The following SYT7 variants were observed in gnomAD, a reference collection of about 807,000 sequenced individuals.
The protein encoded by SYT7 is synaptotagmin-7.
Under a neutral mutation model 75.1 loss-of-function variants are expected in SYT7, and 29 were observed. That is an observed-to-expected ratio of 0.39 (90% CI 0.29 to 0.53). The LOEUF (loss-of-function observed/expected upper bound fraction) is 0.53. Among genes scored for constraint, SYT7 ranks in the 20% least tolerant of loss-of-function variants. The pLI, the probability that SYT7 is intolerant of heterozygous loss-of-function variation, is 0.77. For synonymous variants in SYT7, 376 were observed against 401.7 expected, an observed-to-expected ratio of 0.94 and a Z score of 0.76; for missense variants, 693 against 953.2, an observed-to-expected ratio of 0.73 and a Z score of 3.59.
Position 61,560,130 on chromosome 11 carries a change from G to A in SYT7, c.32-3923C>T, listed in dbSNP as rs2063599701. ...ACAGATGGGGAAACTGAGGAACAGA[G>A]GGGTCAAATACCATGTCCAAGTTGA... On this transcript the variant is annotated intron_variant, in intron 1 of 12. Transcript: ENST00000539008. Among the ~76,000 whole-genome samples, 3 of 152,196 alleles carry A rather than the reference G, an allele frequency of 2.0e-5. No individual in the cohort carries two copies. The South Asian group carries it at 6.2e-4, about 32-fold the overall frequency.
At chr11:61,558,680 C>G (rs1043805008) in intron 1 of SYT7, among the ~76,000 whole-genome samples, 1 of 152,168 alleles carries the variant, frequency 6.6e-6, no homozygotes, top group Non-Finnish European at 1.5e-5. Flanking sequence ...CAGCAGGACA[C>G]CCAGCCAGGG....
chr11:61,548,320 A>G (rs2063250423), intron 3 of SYT7, among the ~76,000 whole-genome samples: 1 of 152,114 alleles, frequency 6.6e-6, no homozygotes, highest in African/African-American at 2.4e-5. Context: ...TGGGTCTGGA[A>G]GGGACCCTCA....
intron 1 of SYT7, among the ~76,000 whole-genome samples, chr11:61,569,377 C>T (rs1263045731): frequency 6.6e-6 from 1 of 151,980 alleles, no homozygotes; most frequent in Non-Finnish European, 1.5e-5. Context: ...CTCCACAGAA[C>T]TGGAAGAAGG....
Position 61,538,212 on chromosome 11 carries a change from G to C in SYT7, c.996C>G (p.Asp332Glu), listed in dbSNP as rs1364002254. 1 of 1,536,078 alleles carries C rather than the reference G, an allele frequency of 6.5e-7. No homozygotes were observed. Among genetic ancestry groups the C allele is most frequent in the East Asian group, 2.4e-5 (1 of 40,904 alleles). ...SLVLGLSEQD[D>E]FANIPDLQNP... is the part of the protein sequence containing the mutation. Reference sequence around the variant, plus strand: ...TTTGCAGGTCAGGGATATTGGCAAAGTCATCCTGTTCCGAAAGCCCTAAGA... The same window carrying C: ...TTTGCAGGTCAGGGATATTGGCAAACTCATCCTGTTCCGAAAGCCCTAAGA... Residue 332 changes from aspartate to glutamate, a missense_variant, in exon 7 of 13, where the codon GAC (aspartate) becomes GAG (glutamate). Transcript: ENST00000539008.
In SYT7 at chr11:61,547,182, G is replaced by A; in HGVS notation, c.342C>T (p.Ser114=). 6.5e-7 allele frequency: 1 copy of A among 1,535,426 alleles called. No individual in the cohort carries two copies. Among genetic ancestry groups the A allele is most frequent in the Non-Finnish European group, 8.7e-7 (1 of 1,146,680 alleles). ...AACCAGGTAAAGTCACTCACTTGAG[G>A]GACAGTCGTGGGTCGCCATAAGGGG... is the stretch of plus-strand genomic sequence containing the variant. The part of the protein sequence containing the change: ...PYAPYGDPRL[S]LNGTLLSGAK... The change falls in exon 4 of 13, where the codon TCC becomes TCT. Residue 114 remains serine (S), a synonymous_variant. Coordinates refer to ENST00000539008, the MANE Select transcript of SYT7 (RefSeq NM_001365809.2).
At chr11:61,518,810 A>C in intron 12 of SYT7, 79 bp from the exon 13 acceptor site, 1 of 1,040,638 alleles carries the variant, frequency 9.6e-7, no homozygotes. Flanking sequence ...TGACACCCCA[A>C]CTCCACCATG....
At chr11:61,558,445 G>A (rs1167933699) in intron 1 of SYT7, among the ~76,000 whole-genome samples, 8 of 151,448 alleles carry the variant, frequency 5.3e-5, no homozygotes, top group African/African-American at 1.9e-4. Context: ...ACTCTAGCCT[G>A]GGCAACAGAG....
rs1257099707 is a variant in SYT7, at chr11:61,513,950, A to C, written c.*4677T>G. On this transcript the variant is annotated 3_prime_UTR_variant, in exon 13 of 13. Coordinates refer to ENST00000539008, the MANE Select transcript of SYT7 (RefSeq NM_001365809.2). ...TTCTGGTTGTCTTTGCGTGGGAGGG[A>C]GAGGAGCGCAGGACGTAACCCAGGA... 1.3e-5 allele frequency among the ~76,000 whole-genome samples: 2 copies of C among 151,914 alleles called. No individual in the cohort carries two copies. Among genetic ancestry groups the C allele is most frequent in the African/African-American group, 4.8e-5 (2 of 41,280 alleles).
chr11:61,536,348 G>C (rs1476569550), intron 7 of SYT7, among the ~76,000 whole-genome samples: 1 of 152,156 alleles, frequency 6.6e-6, no homozygotes, highest in Non-Finnish European at 1.5e-5. Context: ...TTAACACATG[G>C]GTGATGTGAA....
chr11:61,554,638 GC>G (rs2063443930), intron 2 of SYT7, among the ~76,000 whole-genome samples: 1 of 152,136 alleles, frequency 6.6e-6, no homozygotes, highest in African/African-American at 2.4e-5. Context: ...GATGCTCCGG[GC>G]TGCAGGTACG....
chr11:61,552,373 G>T (rs1369505514), intron 2 of SYT7, among the ~76,000 whole-genome samples: 4 of 152,136 alleles, frequency 2.6e-5, no homozygotes, highest in Admixed American at 6.5e-5. Context: ...GGCAGTCGGG[G>T]GACAGGGGCT....
Position 61,580,173 on chromosome 11 carries a change from T to C in SYT7, c.31+617A>G, listed in dbSNP as rs2064211372. Among the ~76,000 whole-genome samples, 2 of 151,578 alleles carry C rather than the reference T, an allele frequency of 1.3e-5. No individual in the cohort carries two copies. The highest frequency in any genetic ancestry group is 6.6e-5 in the Admixed American group (1 of 15,260). Reference sequence around the variant, plus strand: ...CCCCAAACCTAGGAGAACATTCTCTTGGCACCCCCATTCTCATGAGCCCCT... The same window carrying C: ...CCCCAAACCTAGGAGAACATTCTCTCGGCACCCCCATTCTCATGAGCCCCT... On this transcript the variant is annotated intron_variant, in intron 1 of 12. Coordinates refer to ENST00000539008, the MANE Select transcript of SYT7 (RefSeq NM_001365809.2). The surrounding 1 kb of genome is among the most constrained non-coding windows in gnomAD (Gnocchi z 6.1).
At chr11:61,566,883 C>A (rs2063783553) in intron 1 of SYT7, among the ~76,000 whole-genome samples, 1 of 152,222 alleles carries the variant, frequency 6.6e-6, no homozygotes, top group African/African-American at 2.4e-5. Flanking sequence ...GATGACTCAA[C>A]TTTATCTCCC....
chr11:61,552,613 A>T (rs369666995), intron 2 of SYT7, among the ~76,000 whole-genome samples: 2 of 152,176 alleles, frequency 1.3e-5, no homozygotes, highest in East Asian at 3.9e-4. Context: ...CACTGCCATG[A>T]TTCCTGTCAC....
chr11:61,552,502 G>A (rs753865371), intron 2 of SYT7, among the ~76,000 whole-genome samples: 43 of 152,070 alleles, frequency 2.8e-4, no homozygotes, highest in East Asian at 1.9e-4. Flanking sequence ...ACACACGTGC[G>A]CGCACAAATG....
At chr11:61,529,785 C>A (rs1220784121) in intron 8 of SYT7, among the ~76,000 whole-genome samples, 1 of 152,188 alleles carries the variant, frequency 6.6e-6, no homozygotes, top group Non-Finnish European at 1.5e-5. Context: ...CAGGGGCGTG[C>A]CACTACGCCT....
Position 61,546,488 on chromosome 11 carries a change from G to A in SYT7, c.348-233C>T, listed in dbSNP as rs956377010. ...AAATGGGTTAACAGCGGAGCCTGCA[G>A]AGGAGAGAGGGGGACCGGGCGGGCT... On this transcript the variant is annotated intron_variant, in intron 4 of 12. Transcript: ENST00000539008. This position sits in a 1 kb window ranked among gnomAD's most constrained non-coding sequence, Gnocchi z 7.6. The A allele has an allele frequency of 5.6e-6, 3 of 538,882 alleles. No homozygotes were observed. The Admixed American group carries it at 9.0e-5, about 16-fold the overall frequency. 33.4% of individuals were successfully genotyped at this position (538,882 alleles called of 1,614,324 possible).
chr11:61,527,808 T>C, intron 9 of SYT7, 107 bp downstream of exon 9: 1 of 1,336,812 alleles, frequency 7.5e-7, no homozygotes, highest in East Asian at 2.3e-5. Context: ...GGCCTGCAGG[T>C]GTGTGTACAC....
intron 8 of SYT7, chr11:61,530,968 C>A: frequency 3.0e-6 from 3 of 985,440 alleles, no homozygotes; most frequent in South Asian, 4.7e-5. Context: ...TATACCAGGG[C>A]AGGAGGTGCC....
Sources: allele counts gnomAD v4.1 joint callset (sites outside exome capture counted in the v4.1 genomes callset), GRCh38; gene constraint gnomAD v4.1.1; non-coding constraint Gnocchi (gnomAD v3.1); transcripts MANE v1.5; gene names NCBI Gene and HGNC (gene_info 2026-07-23, HGNC 2026-07-21).